NOTCH2NLR: variants seen among roughly 807,000 people sequenced by gnomAD.
The protein encoded by NOTCH2NLR is notch 2 N-terminal like R.
NOTCH2NLR carries 33 observed loss-of-function variants against 35.6 expected under a neutral mutation model. The observed-to-expected ratio is 0.93, with a 90% CI of 0.70 to 1.24. The LOEUF is 1.24. Ranked by LOEUF, NOTCH2NLR falls within the 50% of genes most tolerant of loss-of-function variation. NOTCH2NLR has a pLI of 0.00. For missense variants in NOTCH2NLR, 276 were observed against 362.2 expected, an observed-to-expected ratio of 0.76 and a Z score of 1.93; for synonymous variants, 103 against 141.0, an observed-to-expected ratio of 0.73 and a Z score of 1.91.
rs1238767048 is a variant in NOTCH2NLR, at chr1:120,784,071, G to A, written c.156-903G>A. 1.7e-5 allele frequency among the ~76,000 whole-genome samples: 2 copies of A among 116,842 alleles called. 1 individual carries two copies. The highest frequency in any genetic ancestry group is 1.6e-4 in the Admixed American group (2 of 12,244). 76.7% of individuals were successfully genotyped at this position (116,842 alleles called of 152,430 possible). A position where few individuals can be genotyped will look rare whatever the true frequency, so the allele number is the denominator to read the frequency against. On this transcript the variant is annotated intron_variant, in intron 2 of 4. Transcript: ENST00000624419. ...TGAAATTAGGCTACAGTCATAGAAG[G>A]TTAGCTGTGAAACAATAATTTGGAA...
intron 1 of NOTCH2NLR, 104 bp downstream of exon 1, chr1:120,724,354 C>G: frequency 7.4e-7 from 1 of 1,352,778 alleles, no homozygotes; most frequent in South Asian, 1.3e-5. Context: ...CCAGGCTCGG[C>G]CGCCGGCGCG....
intron 1 of NOTCH2NLR, 46 bp downstream of exon 1, chr1:120,724,296 C>T (rs1263455749): frequency 7.3e-7 from 1 of 1,368,498 alleles, no homozygotes; most frequent in South Asian, 1.3e-5. Context: ...CCGGGGCTGC[C>T]ACCTGGGGCG....
rs1208341652 is a variant in NOTCH2NLR at position 120,787,927 on chromosome 1, C to T, written c.415+2694C>T. On this transcript the variant is annotated intron_variant, in intron 3 of 4. Transcript: ENST00000624419. ...AGGACAATTACAGTCCTCATTTCTGCAGCTGGTCACATGGTAGTAGGTGGT... is the reference window on the plus strand; with the variant it reads ...AGGACAATTACAGTCCTCATTTCTGTAGCTGGTCACATGGTAGTAGGTGGT... Among the ~76,000 whole-genome samples, 129 of 109,982 alleles carry T rather than the reference C, an allele frequency of 1.2e-3. 47 individuals are homozygous for T. The highest frequency in any genetic ancestry group is 6.8e-3 in the African/African-American group (119 of 17,564). 72.2% of individuals were successfully genotyped at this position (109,982 alleles called of 152,430 possible). A position where few individuals can be genotyped will look rare whatever the true frequency, so the allele number is the denominator to read the frequency against.
At chr1:120,752,558 T>A (rs1363073692) in intron 1 of NOTCH2NLR, among the ~76,000 whole-genome samples, 94 of 15,658 alleles carry the variant, frequency 6.0e-3, no homozygotes, top group African/African-American at 0.037. Flanking sequence ...ATATATATTT[T>A]TTTTTTTTTT....
chr1:120,778,032 T>C (rs1651317846), intron 2 of NOTCH2NLR, among the ~76,000 whole-genome samples: 1 of 86,602 alleles, frequency 1.2e-5, no homozygotes, highest in Non-Finnish European at 2.0e-5. Context: ...ATAGGAACTT[T>C]CACTGGTTCC....
chr1:120,790,568 C>CTTTCTTTCTTTCTT (rs1651478532), intron 3 of NOTCH2NLR, among the ~76,000 whole-genome samples: 1 of 103,216 alleles, frequency 9.7e-6, no homozygotes, highest in East Asian at 2.3e-4. Context: ...TTCTTTCTTT[C>CTTTCTTTCTTTCTT]TTTCTTTCTT....
exon 1 of NOTCH2NLR, chr1:120,723,962 C>G (rs1398018007): frequency 1.1e-6 from 1 of 907,898 alleles, no homozygotes; most frequent in Admixed American, 4.4e-5. Flanking sequence ...CTTCCGGCGG[C>G]GGCTGAGGCG....
chr1:120,752,568 TTTTTTTC>T (rs1651035164), intron 1 of NOTCH2NLR, among the ~76,000 whole-genome samples: 2 of 28,880 alleles, frequency 6.9e-5, no homozygotes, highest in Admixed American at 3.9e-4. Context: ...TTTTTTTTTT[TTTTTTTC>T]TTTTTTTTTT....
intron 1 of NOTCH2NLR, among the ~76,000 whole-genome samples, chr1:120,752,552 ATATTTTTTT>A (rs1368911698): frequency 1.1e-4 from 1 of 8,976 alleles, no homozygotes; most frequent in African/African-American, 6.9e-4. Flanking sequence ...ATATATATAT[ATATTTTTTT>A]TTTTTTTTTT....
rs1158136141 is a variant in NOTCH2NLR, at chr1:120,764,726, A to T, written c.155+1017A>T. On this transcript the variant is annotated intron_variant, in intron 2 of 4. Transcript: ENST00000624419. ...AATTTTTTTTCTTCTGCCTCAATTG[A>T]AAATTTTTAAGAGGAATATGTATCC... 2.8e-4 allele frequency among the ~76,000 whole-genome samples: 33 copies of T among 116,580 alleles called. 2 individuals carry two copies. In the East Asian group the frequency reaches 5.7e-3, roughly 20 times the overall value. The allele number at this position is 116,580 out of a possible 152,430, so 76.5% of individuals were successfully genotyped here. A position where few individuals can be genotyped will look rare whatever the true frequency, so the allele number is the denominator to read the frequency against.
intron 1 of NOTCH2NLR, among the ~76,000 whole-genome samples, chr1:120,729,040 G>A (rs1454650695): frequency 1.7e-5 from 2 of 115,942 alleles, no homozygotes; most frequent in Non-Finnish European, 3.3e-5. Context: ...GCAGGTCTTA[G>A]TCACAGCATC....
chr1:120,724,368 T>G (rs1450614028), intron 1 of NOTCH2NLR, 118 bp downstream of exon 1: 2 of 1,344,748 alleles, frequency 1.5e-6, no homozygotes, highest in East Asian at 2.6e-5. Flanking sequence ...CGGCGCGGAG[T>G]GAGGCCACTC....
At chr1:120,794,255 G>T (rs1311529346), downstream of NOTCH2NLR, among the ~76,000 whole-genome samples, 2 of 112,700 alleles carry the variant, frequency 1.8e-5, 1 homozygote, top group Non-Finnish European at 3.4e-5. Flanking sequence ...GGAGCTTGGG[G>T]CCTGGTGTTC....
intron 2 of NOTCH2NLR, among the ~76,000 whole-genome samples, 185 bp downstream of exon 2, chr1:120,763,894 T>TA (rs1440438485): frequency 9.8e-6 from 1 of 101,696 alleles, no homozygotes; most frequent in Non-Finnish European, 1.8e-5. Context: ...AAGAACTTCT[T>TA]ACTATCTTAC....
chr1:120,790,572 C>A lies in NOTCH2NLR; in HGVS notation c.416-2589C>A, dbSNP rs1330692353. On this transcript the variant is annotated intron_variant, in intron 3 of 4. Coordinates refer to ENST00000624419, the Ensembl canonical transcript of NOTCH2NLR. ...TCTTTCTTTCTTTCTTTCTTTCTTT[C>A]TTTCTTTCTTTCTTTCTTTCTCTTT... Among the ~76,000 whole-genome samples the A allele has an allele frequency of 1.9e-5, 2 of 104,290 alleles. 1 individual carries two copies. Among genetic ancestry groups the A allele is most frequent in the Admixed American group, 1.9e-4 (2 of 10,488 alleles). The allele number at this position is 104,290 out of a possible 152,430, so 68.4% of individuals were successfully genotyped here.
intron 2 of NOTCH2NLR, among the ~76,000 whole-genome samples, chr1:120,777,866 C>A (rs1651315980): frequency 9.2e-6 from 1 of 108,824 alleles, no homozygotes; most frequent in African/African-American, 5.7e-5. Flanking sequence ...GCCCATCAGA[C>A]CTCAGCCAGG....
intron 1 of NOTCH2NLR, among the ~76,000 whole-genome samples, chr1:120,737,659 C>A (rs1188231866): frequency 8.7e-6 from 1 of 114,314 alleles, no homozygotes; most frequent in Non-Finnish European, 1.7e-5. Context: ...AAATAATTTG[C>A]CTGTGAACCT....
At chr1:120,767,740 G>A (rs1651209611) in intron 2 of NOTCH2NLR, among the ~76,000 whole-genome samples, 1 of 116,128 alleles carries the variant, frequency 8.6e-6, no homozygotes, top group South Asian at 2.5e-4. Context: ...GTTGTTGTTT[G>A]CTTCAGACTT....
At chr1:120,765,177 A>G (rs1408320149) in intron 2 of NOTCH2NLR, among the ~76,000 whole-genome samples, 1 of 121,034 alleles carries the variant, frequency 8.3e-6, no homozygotes, top group Admixed American at 7.9e-5. Context: ...AAAAAAAAAC[A>G]TGTGGTGCAT....
Sources: gnomAD v4.1 joint callset for allele counts (sites outside exome capture counted in the v4.1 genomes callset) on GRCh38, gnomAD v4.1.1 for gene constraint, MANE v1.5 for transcripts, NCBI Gene and HGNC (gene_info 2026-07-23, HGNC 2026-07-21) for gene names.